Variants in PLXNA4 observed in about 807,000 individuals in gnomAD.
PLXNA4 encodes plexin-A4.
Under a neutral mutation model 191.8 loss-of-function variants are expected in PLXNA4, and 44 were observed. The ratio of observed to expected loss-of-function variants is 0.23; its 90% CI spans 0.18 to 0.29. The LOEUF (loss-of-function observed/expected upper bound fraction) is 0.29. Ranked by LOEUF, PLXNA4 falls within the 10% of genes least tolerant of loss-of-function variation. The pLI, the probability that PLXNA4 is intolerant of heterozygous loss-of-function variation, is 1.00. For missense variants in PLXNA4, 1,800 were observed against 2,488.8 expected (o/e 0.72, Z 5.89); for synonymous variants, 1,082 against 1,009.5 (o/e 1.07, Z -1.36).
At chr7:132,166,977 C>T (rs934672972) in intron 22 of PLXNA4, among the ~76,000 whole-genome samples, 26 of 152,156 alleles carry the variant, frequency 1.7e-4, no homozygotes, top group Admixed American at 1.2e-3. Context: ...AATCTATCTG[C>T]TGGACCAAGT....
At chr7:132,613,232 C>T (rs1341868843) in intron 2 of PLXNA4, among the ~76,000 whole-genome samples, 5 of 152,134 alleles carry the variant, frequency 3.3e-5, no homozygotes, top group African/African-American at 1.2e-4. Context: ...GGGATCTTCT[C>T]GCATCACATT....
intron 3 of PLXNA4, chr7:132,485,001 C>T: frequency 6.2e-7 from 1 of 1,614,084 alleles, no homozygotes; most frequent in Non-Finnish European, 8.5e-7. Context: ...CCTTGTGGAC[C>T]TGTGCCGAAG....
At chr7:132,561,738 TCCTC>T (rs1417927853) in intron 1 of PLXNA4, among the ~76,000 whole-genome samples, 2 of 137,394 alleles carry the variant, frequency 1.5e-5, no homozygotes, top group Non-Finnish European at 3.1e-5. Flanking sequence ...TTCCTCCTCC[TCCTC>T]CTTCTTCTCC....
At chr7:132,625,971 C>A (rs1803362396) in intron 2 of PLXNA4, among the ~76,000 whole-genome samples, 1 of 152,156 alleles carries the variant, frequency 6.6e-6, no homozygotes, top group African/African-American at 2.4e-5. Context: ...TCTGAGTAGT[C>A]TGAAATAGAA....
chr7:132,265,916 C>A (rs1744568660), intron 4 of PLXNA4, among the ~76,000 whole-genome samples: 2 of 152,192 alleles, frequency 1.3e-5, no homozygotes, highest in Non-Finnish European at 2.9e-5. Flanking sequence ...GAGGTGCACA[C>A]AGGTCCTAAC....
At chr7:132,455,760 G>A (rs1345971962) in intron 3 of PLXNA4, among the ~76,000 whole-genome samples, 1 of 152,184 alleles carries the variant, frequency 6.6e-6, no homozygotes, top group Non-Finnish European at 1.5e-5. Flanking sequence ...AGGGGTGGGG[G>A]AGTGGGGCCC....
At chr7:132,330,783 G>A (rs1371050580) in intron 3 of PLXNA4, among the ~76,000 whole-genome samples, 1 of 152,190 alleles carries the variant, frequency 6.6e-6, no homozygotes, top group Non-Finnish European at 1.5e-5. Flanking sequence ...GACCCTGGCA[G>A]CCACCTGGTG....
chr7:132,289,947 C>A (rs954844423), intron 4 of PLXNA4, among the ~76,000 whole-genome samples: 2 of 152,124 alleles, frequency 1.3e-5, no homozygotes, highest in Non-Finnish European at 2.9e-5. Context: ...AGCAAGGTGG[C>A]CCTCGCCACT....
chr7:132,273,173 C>T lies in PLXNA4; in HGVS notation c.1503+24918G>A, dbSNP rs565521643. Among the ~76,000 whole-genome samples, 17 of 152,240 alleles carry T rather than the reference C, an allele frequency of 1.1e-4. No individual in the cohort carries two copies. The East Asian group carries it at 2.5e-3, about 23-fold the overall frequency. On this transcript the variant is annotated intron_variant, in intron 4 of 31. Coordinates refer to ENST00000321063, the MANE Select transcript of PLXNA4 (RefSeq NM_020911.2). ...GCCCTCATCTTCATGGAGCAGATGTCATCCACTCTGAGTGATGTCTGTGTT... is the reference window on the plus strand; with the variant it reads ...GCCCTCATCTTCATGGAGCAGATGTTATCCACTCTGAGTGATGTCTGTGTT...
chr7:132,175,483 T>C (rs550810551), intron 20 of PLXNA4, among the ~76,000 whole-genome samples: 3 of 152,334 alleles, frequency 2.0e-5, no homozygotes, highest in Admixed American at 1.3e-4. Flanking sequence ...GCCACACTAA[T>C]ATAGTCCTTC....
chr7:132,342,917 A>G (rs1803089151), intron 3 of PLXNA4, among the ~76,000 whole-genome samples: 1 of 146,074 alleles, frequency 6.8e-6, no homozygotes, highest in Non-Finnish European at 1.5e-5. Context: ...ACTGTACTCC[A>G]GTCTGGGCAA....
intron 4 of PLXNA4, among the ~76,000 whole-genome samples, chr7:132,270,067 C>T (rs1212562927): frequency 6.6e-6 from 1 of 152,192 alleles, no homozygotes; most frequent in Non-Finnish European, 1.5e-5. Flanking sequence ...TAAATGCTTA[C>T]TTGGAGAGAA....
rs145819257 is a variant in PLXNA4 at position 132,390,677 on chromosome 7, GCTT to G, written c.1372-92458_1372-92456del. 2.5e-3 allele frequency among the ~76,000 whole-genome samples: 383 copies of G among 152,026 alleles called. 1 individual carries two copies. Among genetic ancestry groups the G allele is most frequent in the African/African-American group, 8.8e-3 (364 of 41,460 alleles). ...CAGGATGTGCCACATCATGGCCCCC[GCTT>G]CTTCTCTGCCCCATGAGTCCCAGCC... is the stretch of plus-strand genomic sequence containing the variant. On this transcript the variant is annotated intron_variant, in intron 3 of 31. Transcript: ENST00000321063.
intron 3 of PLXNA4, among the ~76,000 whole-genome samples, chr7:132,417,155 C>T (rs1794688959): frequency 6.6e-6 from 1 of 152,200 alleles, no homozygotes; most frequent in South Asian, 2.1e-4. Context: ...CATTACCTAC[C>T]TCTTTGCGTG....
intron 1 of PLXNA4, among the ~76,000 whole-genome samples, chr7:132,535,718 C>T (rs1799804098): frequency 6.6e-6 from 1 of 152,064 alleles, no homozygotes; most frequent in South Asian, 2.1e-4. Flanking sequence ...ATACCTTGGC[C>T]AAGATCCCCT....
chr7:132,481,885 T>C lies in PLXNA4; in HGVS notation c.1371+7407A>G. ...GAGGAAGTTTCCTCACCCCTGGTCC[T>C]GTGGGTGTGGCGACTGCTTCACAGC... On this transcript the variant is annotated intron_variant, in intron 3 of 31. Transcript: ENST00000321063. Among the ~76,000 whole-genome samples, 2 of 152,214 alleles carry C rather than the reference T, an allele frequency of 1.3e-5. 1 individual carries two copies. Among genetic ancestry groups the C allele is most frequent in the Non-Finnish European group, 2.9e-5 (2 of 68,032 alleles).
At chr7:132,408,353 T>C (rs1794307844) in intron 3 of PLXNA4, among the ~76,000 whole-genome samples, 2 of 152,168 alleles carry the variant, frequency 1.3e-5, no homozygotes, top group African/African-American at 4.8e-5. Flanking sequence ...GCGGTGGCAT[T>C]CTGGGGGTGC....
intron 1 of PLXNA4, among the ~76,000 whole-genome samples, chr7:132,569,911 G>A (rs116512102): frequency 0.015 from 2,214 of 152,278 alleles, 51 homozygotes; most frequent in African/African-American, 0.051. Flanking sequence ...CTTGGTTTAC[G>A]TAATGCAAAG....
intron 2 of PLXNA4, among the ~76,000 whole-genome samples, chr7:132,626,173 C>G (rs1407521207): frequency 1.3e-5 from 2 of 152,164 alleles, no homozygotes; most frequent in Admixed American, 1.3e-4. Flanking sequence ...ACTTTACCTT[C>G]TAAGTACCTC....
Sources: allele counts gnomAD v4.1 joint callset (sites outside exome capture counted in the v4.1 genomes callset), GRCh38; gene constraint gnomAD v4.1.1; transcripts MANE v1.5; gene names NCBI Gene and HGNC (gene_info 2026-07-23, HGNC 2026-07-21).